Variants in IRF2BP2 observed in about 807,000 individuals in gnomAD.
IRF2BP2 encodes interferon regulatory factor 2-binding protein 2.
A neutral mutation model predicts 32.7 loss-of-function variants in IRF2BP2; 13 were observed. That is an observed-to-expected ratio of 0.40 (90% CI 0.26 to 0.63). IRF2BP2 has a LOEUF of 0.63. IRF2BP2 is among the 30% of genes least tolerant of loss of function. IRF2BP2 has a pLI of 0.42. For missense variants in IRF2BP2, 980 were observed against 830.6 expected (o/e 1.18, Z -2.21); for synonymous variants, 555 against 384.6 (o/e 1.44, Z -5.18).
intron 1 of IRF2BP2, 65 bp downstream of exon 1, chr1:234,608,379 AACC>A: frequency 7.9e-7 from 1 of 1,270,488 alleles, no homozygotes; most frequent in South Asian, 1.6e-5. Flanking sequence ...GAATCCAAAG[AACC>A]ACCCTTCCTC....
At position 234,605,104 on chromosome 1, in the gene IRF2BP2, A is replaced by G. The variant is rs1672124198; in HGVS notation, c.*2033T>C. 6.6e-6 allele frequency: 1 copy of G among 152,248 alleles called. No individual in the cohort carries two copies. The highest frequency in any genetic ancestry group is 1.5e-5 in the Non-Finnish European group (1 of 68,042). 9.4% of individuals were successfully genotyped at this position (152,248 alleles called of 1,614,324 possible). ...CATGTCTGTATTAAGATTGCAAAAC[A>G]TACAGATAGCTACCACAAATTAGGT... On this transcript the variant is annotated 3_prime_UTR_variant, in exon 2 of 2. Coordinates refer to ENST00000366609, the MANE Select transcript of IRF2BP2 (RefSeq NM_182972.3).
rs1672306077 is a variant in IRF2BP2 at position 234,610,007 on chromosome 1, C to A, written c.-513G>T. Among the ~76,000 whole-genome samples, 1 of 144,844 alleles carries A rather than the reference C, an allele frequency of 6.9e-6. No homozygotes were observed. Among genetic ancestry groups the A allele is most frequent in the Admixed American group, 6.8e-5 (1 of 14,674 alleles). On this transcript the variant is annotated 5_prime_UTR_variant, in exon 1 of 2. Coordinates refer to ENST00000366609, the MANE Select transcript of IRF2BP2 (RefSeq NM_182972.3). ...GGGGCATGCCGCGCCGGGGTGGCGGCGGCCGGGCGGCGTGGAGCTCGGGCG... is the reference window on the plus strand; with the variant it reads ...GGGGCATGCCGCGCCGGGGTGGCGGAGGCCGGGCGGCGTGGAGCTCGGGCG...
Position 234,609,587 on chromosome 1 carries a change from C to G in IRF2BP2, c.-93G>C. The G allele has an allele frequency of 3.2e-6, 2 of 632,546 alleles. No individual in the cohort carries two copies. The highest frequency in any genetic ancestry group is 3.9e-5 in the African/African-American group (2 of 51,324). The allele number at this position is 632,546 out of a possible 1,614,324, so 39.2% of individuals were successfully genotyped here. On this transcript the variant is annotated 5_prime_UTR_variant, in exon 1 of 2. Transcript: ENST00000366609. Reference sequence around the variant, plus strand: ...ACCGGCACCACGCGCGCCCTCCTCCCCCCCCAACCCCGCGTCTCCCCCACC... The same window carrying G: ...ACCGGCACCACGCGCGCCCTCCTCCGCCCCCAACCCCGCGTCTCCCCCACC...
rs1375587674 is a variant in IRF2BP2 at position 234,605,465 on chromosome 1, T to C, written c.*1672A>G. The C allele has an allele frequency of 1.3e-5, 2 of 152,254 alleles. No individual in the cohort carries two copies. Among genetic ancestry groups the C allele is most frequent in the African/African-American group, 2.4e-5 (1 of 41,470 alleles). The allele number at this position is 152,254 out of a possible 1,614,324, so 9.4% of individuals were successfully genotyped here. ...GAAAAACACTGTATTTGGTGCAGTA[T>C]CTGATTTTCAAGTGTTAGTAACTTG... is the stretch of plus-strand genomic sequence containing the variant. On this transcript the variant is annotated 3_prime_UTR_variant, in exon 2 of 2. Coordinates refer to ENST00000366609, the MANE Select transcript of IRF2BP2 (RefSeq NM_182972.3).
chr1:234,609,203 G>T lies in IRF2BP2; in HGVS notation c.292C>A (p.Gln98Lys). The T allele has an allele frequency of 7.6e-7, 1 of 1,321,924 alleles. No individual in the cohort carries two copies. Among genetic ancestry groups the T allele is most frequent in the Non-Finnish European group, 9.6e-7 (1 of 1,040,606 alleles). The allele number at this position is 1,321,924 out of a possible 1,614,324, so 81.9% of individuals were successfully genotyped here. The change falls in exon 1 of 2, where the codon CAG (glutamine) becomes AAG (lysine). Residue 98 changes from glutamine (Q) to lysine (K), a missense_variant. Gln to Lys is a moderately conservative substitution (Grantham distance 53, BLOSUM62 1). Coordinates refer to ENST00000366609, the MANE Select transcript of IRF2BP2 (RefSeq NM_182972.3). ...GCCTCGGGGCCGCCGTGGCCAAGCT[G>T]CTGCTGCTGCTGCAAAAGGATGTCC... ...AKDILLQQQQ[Q>K]LGHGGPEAAP...
rs554016432 is a variant in IRF2BP2 at position 234,606,375 on chromosome 1, T to C, written c.*762A>G. 1 of 152,228 alleles carries C rather than the reference T, an allele frequency of 6.6e-6. No individual in the cohort carries two copies. Among genetic ancestry groups the C allele is most frequent in the African/African-American group, 2.4e-5 (1 of 41,534 alleles). 9.4% of individuals were successfully genotyped at this position (152,228 alleles called of 1,614,324 possible). A position where few individuals can be genotyped will look rare whatever the true frequency, so the allele number is the denominator to read the frequency against. On this transcript the variant is annotated 3_prime_UTR_variant, in exon 2 of 2. Coordinates refer to ENST00000366609, the MANE Select transcript of IRF2BP2 (RefSeq NM_182972.3). ...TATAACCGCCTTCCATCACTGGAAT[T>C]GTATCTTATGTAACCAACTAGCATG...
chr1:234,604,582 C>G lies in IRF2BP2; in HGVS notation c.*2555G>C, dbSNP rs1672113960. ...TCTCATAACTTTAAATGTGAGGCCA[C>G]ATGAAAGACAGTACATCTGTTAAAT... is the stretch of plus-strand genomic sequence containing the variant. On this transcript the variant is annotated 3_prime_UTR_variant, in exon 2 of 2. Coordinates refer to ENST00000366609, the MANE Select transcript of IRF2BP2 (RefSeq NM_182972.3). 1 of 152,204 alleles carries G rather than the reference C, an allele frequency of 6.6e-6. No homozygotes were observed. 9.4% of individuals were successfully genotyped at this position (152,204 alleles called of 1,614,324 possible). A position where few individuals can be genotyped will look rare whatever the true frequency, so the allele number is the denominator to read the frequency against.
rs762965875 is a variant in IRF2BP2, at chr1:234,607,131, G to T, written c.*6C>A. The T allele has an allele frequency of 1.1e-4, 175 of 1,600,516 alleles. No individual in the cohort carries two copies. The highest frequency in any genetic ancestry group is 1.4e-4 in the Non-Finnish European group (161 of 1,170,782). On this transcript the variant is annotated 3_prime_UTR_variant, in exon 2 of 2. Coordinates refer to ENST00000366609, the MANE Select transcript of IRF2BP2 (RefSeq NM_182972.3). Reference sequence around the variant, plus strand: ...TAATCATTGGGTTTTTCTGAAACCGGAAAAGTCACGAGTCTCTCTCTTTTT... The same window carrying T: ...TAATCATTGGGTTTTTCTGAAACCGTAAAAGTCACGAGTCTCTCTCTTTTT...
chr1:234,608,149 C>A (rs1453171071), intron 1 of IRF2BP2: 5 of 529,500 alleles, frequency 9.4e-6, no homozygotes, highest in South Asian at 2.8e-5. Flanking sequence ...CATGTGACTG[C>A]TAATGTCCCC....
intron 1 of IRF2BP2, 140 bp from the exon 2 acceptor site, chr1:234,607,992 C>T (rs1672214266): frequency 1.5e-6 from 1 of 679,834 alleles, no homozygotes; most frequent in South Asian, 2.1e-5. Flanking sequence ...TACTCATATA[C>T]GAGTTTCAGG....
Position 234,608,710 on chromosome 1 carries a change from G to T in IRF2BP2, c.785C>A (p.Pro262Gln), listed in dbSNP as rs1045024532. 8.6e-6 allele frequency: 13 copies of T among 1,504,876 alleles called. No individual in the cohort carries two copies. The African/African-American group carries it at 1.6e-4, about 19-fold the overall frequency. The allele number at this position is 1,504,876 out of a possible 1,614,324, so 93.2% of individuals were successfully genotyped here. The stretch of plus-strand genomic sequence containing the variant: ...GGCCGGGCCCCGGTGCGCAGGCGGC[G>T]GCGGTTGTTTCTCCTTGGCTGCCGC... The part of the protein sequence containing the change: ...REAAAKEKQP[P>Q]PPAHRGPADS... Residue 262 changes from proline (P) to glutamine (Q), a missense_variant, in exon 1 of 2, where the codon CCG becomes CAG. By Grantham distance (76) the Pro-to-Gln change is moderately conservative. Transcript: ENST00000366609.
Position 234,608,703 on chromosome 1 carries a change from A to G in IRF2BP2, c.792T>C (p.Pro264=). 6.7e-7 allele frequency: 1 copy of G among 1,502,750 alleles called. No individual in the cohort carries two copies. The highest frequency in any genetic ancestry group is 1.3e-5 in the South Asian group (1 of 79,570). 93.1% of individuals were successfully genotyped at this position (1,502,750 alleles called of 1,614,324 possible). Residue 264 remains proline (P), a synonymous_variant, in exon 1 of 2, where the codon CCT becomes CCC. Transcript: ENST00000366609. Reference sequence around the variant, plus strand: ...GGCTGTCGGCCGGGCCCCGGTGCGCAGGCGGCGGCGGTTGTTTCTCCTTGG... The same window carrying G: ...GGCTGTCGGCCGGGCCCCGGTGCGCGGGCGGCGGCGGTTGTTTCTCCTTGG... ...AAAKEKQPPP[P]AHRGPADSLS... is the part of the protein sequence containing the mutation.
At position 234,609,366 on chromosome 1, in the gene IRF2BP2, G is replaced by A. The variant is rs931456432; in HGVS notation, c.129C>T (p.Tyr43=). Residue 43 remains tyrosine, a synonymous_variant, in exon 1 of 2, where the codon TAC becomes TAT. Transcript: ENST00000366609. ...TEPVCRGCVN[Y]EGADRVEFVI... is the part of the protein sequence containing the mutation. ...CGAACTCGACGCGGTCGGCGCCCTCGTAGTTGACGCAGCCGCGGCAGACGG... is the reference window on the plus strand; with the variant it reads ...CGAACTCGACGCGGTCGGCGCCCTCATAGTTGACGCAGCCGCGGCAGACGG... 1.3e-6 allele frequency: 2 copies of A among 1,552,262 alleles called. No homozygotes were observed. Among genetic ancestry groups the A allele is most frequent in the Non-Finnish European group, 1.7e-6 (2 of 1,151,974 alleles).
At position 234,609,776 on chromosome 1, in the gene IRF2BP2, C is replaced by G. The variant is rs1284039989; in HGVS notation, c.-282G>C. On this transcript the variant is annotated 5_prime_UTR_variant, in exon 1 of 2. Coordinates refer to ENST00000366609, the MANE Select transcript of IRF2BP2 (RefSeq NM_182972.3). ...CCGGCCCGGGCACGGGCGGGCGGCG[C>G]GGCGCGGCGGGGCGGCGGGCGCGGC... Among the ~76,000 whole-genome samples the G allele has an allele frequency of 1.4e-5, 2 of 142,714 alleles. No individual in the cohort carries two copies. Among genetic ancestry groups the G allele is most frequent in the Non-Finnish European group, 3.1e-5 (2 of 64,456 alleles). The allele number at this position is 142,714 out of a possible 152,430, so 93.6% of individuals were successfully genotyped here.
Position 234,608,516 on chromosome 1 carries a change from TCTTA to T in IRF2BP2, c.975_978del (p.Phe325LeufsTer6), listed in dbSNP as rs1672236189. 1 of 1,610,648 alleles carries T rather than the reference TCTTA, an allele frequency of 6.2e-7. No homozygotes were observed. Among genetic ancestry groups the T allele is most frequent in the Non-Finnish European group, 8.5e-7 (1 of 1,179,052 alleles). ...CTGCCTGCAGTCAGGGCCGGCTCCT[TCTTA>T]AACTTGCTCTCGAAGGGCCCCGAGT... On this transcript the variant is annotated frameshift_variant, in exon 1 of 2. Coordinates refer to ENST00000366609, the MANE Select transcript of IRF2BP2 (RefSeq NM_182972.3). LOFTEE classifies it high-confidence loss of function.
chr1:234,608,065 G>A (rs1672216197), intron 1 of IRF2BP2: 1 of 565,132 alleles, frequency 1.8e-6, no homozygotes, highest in South Asian at 2.5e-5. Flanking sequence ...GATTTAAAAT[G>A]GAGCCACTGA....
intron 1 of IRF2BP2, 48 bp from the exon 2 acceptor site, chr1:234,607,900 GCACTGAAAGAGAT>G: frequency 1.4e-6 from 2 of 1,395,380 alleles, no homozygotes; most frequent in South Asian, 2.7e-5. Flanking sequence ...AAGTGGCGGT[GCACTGAAAGAGAT>G]CATTCTCTTC....
Position 234,607,066 on chromosome 1 carries a change from A to G in IRF2BP2, c.*71T>C, listed in dbSNP as rs971793050. 4 of 999,258 alleles carry G rather than the reference A, an allele frequency of 4.0e-6. No homozygotes were observed. The highest frequency in any genetic ancestry group is 3.2e-5 in the African/African-American group (2 of 61,588). The allele number at this position is 999,258 out of a possible 1,614,324, so 61.9% of individuals were successfully genotyped here. On this transcript the variant is annotated 3_prime_UTR_variant, in exon 2 of 2. Coordinates refer to ENST00000366609, the MANE Select transcript of IRF2BP2 (RefSeq NM_182972.3). ...TCCCTTGTCTTGGATATATATATAT[A>G]TGGAGATATATATACAATTCAAGCA... is the stretch of plus-strand genomic sequence containing the variant.
In IRF2BP2 at chr1:234,607,063, T is replaced by C. The variant is rs1266566621; in HGVS notation, c.*74A>G. On this transcript the variant is annotated 3_prime_UTR_variant, in exon 2 of 2. Coordinates refer to ENST00000366609, the MANE Select transcript of IRF2BP2 (RefSeq NM_182972.3). ...ATTTCCCTTGTCTTGGATATATATA[T>C]ATATGGAGATATATATACAATTCAA... 4.0e-6 allele frequency: 4 copies of C among 989,254 alleles called. No homozygotes were observed. Among genetic ancestry groups the C allele is most frequent in the Non-Finnish European group, 6.1e-6 (4 of 651,834 alleles). The allele number at this position is 989,254 out of a possible 1,614,324, so 61.3% of individuals were successfully genotyped here.
Sources: allele counts gnomAD v4.1 joint callset (sites outside exome capture counted in the v4.1 genomes callset), GRCh38; gene constraint gnomAD v4.1.1; transcripts MANE v1.5; gene names NCBI Gene and HGNC (gene_info 2026-07-23, HGNC 2026-07-21).